SRGAP3: variants seen among roughly 807,000 people sequenced by gnomAD.
SRGAP3 encodes SLIT-ROBO Rho GTPase-activating protein 3.
SRGAP3 carries 39 observed loss-of-function variants against 121.1 expected under a neutral mutation model. The ratio of observed to expected loss-of-function variants is 0.32; its 90% CI spans 0.25 to 0.42. SRGAP3 has a LOEUF of 0.42. SRGAP3 is among the 10% of genes least tolerant of loss of function. The pLI is 1.00. For synonymous variants in SRGAP3, 601 were observed against 570.0 expected (o/e 1.05, Z -0.77); for missense variants, 1,213 against 1,470.6 (o/e 0.82, Z 2.86).
At chr3:9,323,561 AG>A (rs1955470013) in intron 3 of SRGAP3, among the ~76,000 whole-genome samples, 1 of 151,764 alleles carries the variant, frequency 6.6e-6, no homozygotes, top group East Asian at 1.9e-4. Context: ...TGGAAGATTC[AG>A]GTCTAGTAGC....
At chr3:9,046,959 T>C (rs1411543422) in intron 10 of SRGAP3, among the ~76,000 whole-genome samples, 1 of 151,752 alleles carries the variant, frequency 6.6e-6, no homozygotes, top group Non-Finnish European at 1.5e-5. Flanking sequence ...GCCTCCCGAG[T>C]AGCTGGGACT....
At chr3:9,097,978 T>C (rs1645294305) in intron 3 of SRGAP3, among the ~76,000 whole-genome samples, 1 of 152,186 alleles carries the variant, frequency 6.6e-6, no homozygotes, top group South Asian at 2.1e-4. Context: ...TCCTCCCTGA[T>C]ACACCCCTGC....
At chr3:9,304,062 A>G (rs1183185208) in intron 3 of SRGAP3, among the ~76,000 whole-genome samples, 1 of 152,200 alleles carries the variant, frequency 6.6e-6, no homozygotes, top group African/African-American at 2.4e-5. Context: ...AATTCTGTCC[A>G]GGGTCGCACT....
intron 10 of SRGAP3, 122 bp from the exon 11 acceptor site, chr3:9,038,212 T>C (rs884237): frequency 0.092 from 124,650 of 1,354,522 alleles, 7,427 homozygotes; most frequent in African/African-American, 0.27. Flanking sequence ...GAAATCTAAT[T>C]ATGCCTAAGG....
intron 3 of SRGAP3, among the ~76,000 whole-genome samples, chr3:9,311,460 G>A (rs1425135051): frequency 6.6e-6 from 1 of 152,178 alleles, no homozygotes; most frequent in Admixed American, 6.6e-5. Context: ...GAGCCAGCTA[G>A]TAAATATTTT....
rs538772471 is a variant in SRGAP3, at chr3:9,204,249, G to T, written c.67+44636C>A. Among the ~76,000 whole-genome samples, 3 of 152,358 alleles carry T rather than the reference G, an allele frequency of 2.0e-5. No homozygotes were observed. In the East Asian group the frequency reaches 5.8e-4, roughly 29 times the overall value. On this transcript the variant is annotated intron_variant, in intron 1 of 21. Coordinates refer to ENST00000383836, the MANE Select transcript of SRGAP3 (RefSeq NM_014850.4). Reference sequence around the variant, plus strand: ...TCAGAAAAGCTGGAGAAGGCAGAGGGCCTGCCAGAAAGGCCACAGAAGTGA... The same window carrying T: ...TCAGAAAAGCTGGAGAAGGCAGAGGTCCTGCCAGAAAGGCCACAGAAGTGA...
chr3:9,270,523 G>A (rs4686338), intron 3 of SRGAP3, among the ~76,000 whole-genome samples: 17 of 151,930 alleles, frequency 1.1e-4, no homozygotes, highest in Admixed American at 3.3e-4. Flanking sequence ...AAAACTAATC[G>A]ACTTGTGCAT....
chr3:9,081,660 A>G (rs147440582), intron 3 of SRGAP3, among the ~76,000 whole-genome samples: 129 of 152,362 alleles, frequency 8.5e-4, no homozygotes, highest in Admixed American at 7.4e-3. Context: ...AGAAGGAGGT[A>G]TAGTCTGTAG....
At chr3:9,133,906 T>G (rs1263203864) in intron 1 of SRGAP3, among the ~76,000 whole-genome samples, 1 of 152,230 alleles carries the variant, frequency 6.6e-6, no homozygotes, top group African/African-American at 2.4e-5. Context: ...AAAATAAGAC[T>G]GGCCTTGAGT....
At chr3:9,116,279 C>T (rs974371426) in intron 2 of SRGAP3, among the ~76,000 whole-genome samples, 4 of 152,192 alleles carry the variant, frequency 2.6e-5, no homozygotes, top group Non-Finnish European at 4.4e-5. Context: ...CATTTATCTC[C>T]TTTCGCAGCC....
At chr3:9,090,352 T>C (rs916459494) in intron 3 of SRGAP3, among the ~76,000 whole-genome samples, 2 of 151,382 alleles carry the variant, frequency 1.3e-5, no homozygotes, top group Admixed American at 1.3e-4. Flanking sequence ...TGCAGAGCAG[T>C]AGGAAACTAG....
At position 9,322,980 on chromosome 3, in the gene SRGAP3, C is replaced by G. The variant is rs9809790; in HGVS notation, n.442+3030G>C. Among the ~76,000 whole-genome samples, 1,342 of 151,912 alleles carry G rather than the reference C, an allele frequency of 8.8e-3. 18 individuals are homozygous for G. The highest frequency in any genetic ancestry group is 0.03 in the African/African-American group (1,254 of 41,500). ...GGTATATTCACACTATGGAATATGA[C>G]TCAGCAACAAAAAAGACCTAACTAT... On this transcript the variant is annotated intron_variant and non_coding_transcript_variant, in intron 3 of 3. Coordinates refer to the SRGAP3 transcript ENST00000490889.
chr3:9,299,605 G>A (rs575879220), intron 3 of SRGAP3, among the ~76,000 whole-genome samples: 1 of 152,132 alleles, frequency 6.6e-6, no homozygotes, highest in African/African-American at 2.4e-5. Flanking sequence ...TCATGTTGCT[G>A]CTCTACTTAA....
chr3:8,993,372 G>C (rs1039980316), intron 19 of SRGAP3, among the ~76,000 whole-genome samples: 1 of 152,194 alleles, frequency 6.6e-6, no homozygotes, highest in East Asian at 1.9e-4. Flanking sequence ...TGGAGAAATG[G>C]GGGGATGGAG....
intron 3 of SRGAP3, among the ~76,000 whole-genome samples, chr3:9,302,676 G>C (rs905725360): frequency 2.0e-5 from 3 of 152,212 alleles, no homozygotes; most frequent in African/African-American, 7.2e-5. Flanking sequence ...GCTGGCTGTA[G>C]AACGCCAGGT....
At chr3:9,123,120 T>C (rs1241904228) in intron 2 of SRGAP3, among the ~76,000 whole-genome samples, 1 of 152,162 alleles carries the variant, frequency 6.6e-6, no homozygotes, top group East Asian at 1.9e-4. Flanking sequence ...ATATGACATA[T>C]CTACAGCAGT....
At chr3:9,038,709 C>T (rs537495594) in intron 10 of SRGAP3, among the ~76,000 whole-genome samples, 15 of 152,312 alleles carry the variant, frequency 9.8e-5, no homozygotes, top group South Asian at 2.1e-4. Flanking sequence ...CATGCCTCCA[C>T]GAGGCCCTCC....
intron 1 of SRGAP3, among the ~76,000 whole-genome samples, chr3:9,341,261 A>G (rs1318124868): frequency 6.7e-6 from 1 of 150,178 alleles, no homozygotes; most frequent in Non-Finnish European, 1.5e-5. Flanking sequence ...GGCTAGAGAG[A>G]GCAGCACGAT....
intron 5 of SRGAP3, among the ~76,000 whole-genome samples, chr3:9,063,561 A>C (rs959125348): frequency 2.0e-5 from 3 of 151,446 alleles, no homozygotes; most frequent in Non-Finnish European, 4.4e-5. Context: ...CTGGTCTCGA[A>C]CTCCTGGGCT....
Sources: gnomAD v4.1 joint callset for allele counts (sites outside exome capture counted in the v4.1 genomes callset) on GRCh38, gnomAD v4.1.1 for gene constraint, MANE v1.5 for transcripts, NCBI Gene and HGNC (gene_info 2026-07-23, HGNC 2026-07-21) for gene names.